Variants in FBXO15 observed in about 807,000 individuals in gnomAD.
FBXO15 encodes the protein F-box only protein 15.
FBXO15 carries 30 observed loss-of-function variants against 49.5 expected under a neutral mutation model. That is an observed-to-expected ratio of 0.61 (90% CI 0.45 to 0.82). The LOEUF is 0.82. Ranked by LOEUF, FBXO15 falls within the 40% of genes least tolerant of loss-of-function variation. The pLI, the probability that FBXO15 is intolerant of heterozygous loss-of-function variation, is 0.00. For missense variants in FBXO15, 591 were observed against 631.5 expected, an observed-to-expected ratio of 0.94 and a Z score of 0.69; for synonymous variants, 250 against 232.7, an observed-to-expected ratio of 1.07 and a Z score of -0.68.
At chr18:74,137,062 T>A (rs1194099179) in intron 2 of FBXO15, among the ~76,000 whole-genome samples, 3 of 152,212 alleles carry the variant, frequency 2.0e-5, no homozygotes, top group Non-Finnish European at 4.4e-5. Flanking sequence ...AAAAAGACAG[T>A]TAACGTTATG....
At chr18:74,098,066 AAC>A (rs111620900) in intron 8 of FBXO15, 3,231 of 152,422 alleles carry the variant, frequency 0.021, 123 homozygotes, top group African/African-American at 0.071. Context: ...TCCCTAGGAA[AAC>A]ACAGAGAGTA....
chr18:74,083,941 TGG>T (rs1292234080), intron 8 of FBXO15, among the ~76,000 whole-genome samples: 4 of 152,194 alleles, frequency 2.6e-5, no homozygotes, highest in Non-Finnish European at 4.4e-5. Flanking sequence ...TAATATTAAC[TGG>T]GTAATATAAT....
intron 2 of FBXO15, among the ~76,000 whole-genome samples, chr18:74,136,486 C>T (rs1049564061): frequency 6.6e-6 from 1 of 152,076 alleles, no homozygotes; most frequent in Non-Finnish European, 1.5e-5. Context: ...AATCTCTTTC[C>T]CCAAAAAAGT....
intron 5 of FBXO15, among the ~76,000 whole-genome samples, 199 bp from the exon 6 acceptor site, chr18:74,126,300 G>A (rs938279002): frequency 6.6e-6 from 1 of 152,198 alleles, no homozygotes; most frequent in African/African-American, 2.4e-5. Context: ...AGCCAACTAG[G>A]TATTTCTTCC....
chr18:74,111,741 A>C (rs866817716), intron 8 of FBXO15, among the ~76,000 whole-genome samples: 1 of 152,174 alleles, frequency 6.6e-6, no homozygotes, highest in Non-Finnish European at 1.5e-5. Context: ...AAAATCCATG[A>C]AACCAAAAGC....
intron 8 of FBXO15, among the ~76,000 whole-genome samples, chr18:74,096,517 A>G (rs951710555): frequency 2.0e-5 from 3 of 151,916 alleles, no homozygotes; most frequent in African/African-American, 7.3e-5. Context: ...AAGCAAATAC[A>G]TCCCATAAAA....
At chr18:74,145,676 C>T (rs565802345) in intron 1 of FBXO15, among the ~76,000 whole-genome samples, 141 of 146,132 alleles carry the variant, frequency 9.6e-4, no homozygotes, top group African/African-American at 2.8e-3. Flanking sequence ...CGGCTCACTG[C>T]AAGCTCCGCC....
intron 8 of FBXO15, among the ~76,000 whole-genome samples, chr18:74,095,477 C>T (rs566499027): frequency 1.3e-5 from 2 of 152,206 alleles, no homozygotes; most frequent in South Asian, 4.1e-4. Context: ...ATAGAAAGGC[C>T]TGAGGGGAGG....
intron 8 of FBXO15, among the ~76,000 whole-genome samples, chr18:74,110,715 A>C (rs2145164954): frequency 6.6e-6 from 1 of 152,260 alleles, no homozygotes; most frequent in Non-Finnish European, 1.5e-5. Context: ...GTGGAAGGAA[A>C]AAAAATATAC....
intron 8 of FBXO15, among the ~76,000 whole-genome samples, chr18:74,110,198 T>TATATATATATACATATGTGTGC (rs1568168416): frequency 3.2e-5 from 4 of 123,642 alleles, no homozygotes; most frequent in Non-Finnish European, 5.5e-5. Context: ...TGTGTGCATA[T>TATATATATATACATATGTGTGC]ATATATATAT....
chr18:74,116,833 C>T (rs184048431), intron 8 of FBXO15, among the ~76,000 whole-genome samples: 2 of 152,158 alleles, frequency 1.3e-5, no homozygotes, highest in East Asian at 3.9e-4. Flanking sequence ...ATAGATGAAC[C>T]CCAGAAGACC....
chr18:74,141,296 C>A (rs1200606864), intron 1 of FBXO15, among the ~76,000 whole-genome samples: 5 of 152,184 alleles, frequency 3.3e-5, no homozygotes, highest in African/African-American at 1.2e-4. Context: ...CAGCAGCACA[C>A]CCGGAGAGCC....
At chr18:74,144,537 G>C (rs1443697757) in intron 1 of FBXO15, among the ~76,000 whole-genome samples, 1 of 152,080 alleles carries the variant, frequency 6.6e-6, no homozygotes, top group Non-Finnish European at 1.5e-5. Context: ...CTCTTGCAAA[G>C]AAACTGAAAC....
intron 2 of FBXO15, among the ~76,000 whole-genome samples, 177 bp from the exon 3 acceptor site, chr18:74,136,043 G>A (rs760319947): frequency 6.6e-6 from 1 of 152,166 alleles, no homozygotes; most frequent in East Asian, 1.9e-4. Context: ...GAAACGTTCT[G>A]GTTATTCTAA....
At chr18:74,126,586 G>A (rs1221785196) in intron 5 of FBXO15, among the ~76,000 whole-genome samples, 1 of 152,200 alleles carries the variant, frequency 6.6e-6, no homozygotes, top group African/African-American at 2.4e-5. Flanking sequence ...GGATAACTCA[G>A]AGATAGTGAA....
At chr18:74,147,375 AG>A (rs1242766147) in intron 1 of FBXO15, among the ~76,000 whole-genome samples, 1 of 152,124 alleles carries the variant, frequency 6.6e-6, no homozygotes, top group Admixed American at 6.5e-5. Context: ...CGCATCCCGG[AG>A]AAACGACCTC....
Position 74,075,001 on chromosome 18 carries a change from C to T in FBXO15, c.1264-1271G>A, listed in dbSNP as rs182472417. Among the ~76,000 whole-genome samples, 8 of 152,290 alleles carry T rather than the reference C, an allele frequency of 5.3e-5. No individual in the cohort carries two copies. Among genetic ancestry groups the T allele is most frequent in the African/African-American group, 1.9e-4 (8 of 41,560 alleles). On this transcript the variant is annotated intron_variant, in intron 9 of 9. Coordinates refer to ENST00000419743, the MANE Select transcript of FBXO15 (RefSeq NM_001142958.2). The surrounding 1 kb of genome is among the most constrained non-coding windows in gnomAD (Gnocchi z 4.1). The stretch of plus-strand genomic sequence containing the variant: ...CTTAGGGCCAGGTCCAGCAAAACCC[C>T]AGCCCCAGAGGAGCGCAGTTATTTT...
chr18:74,145,594 C>CTTTTT (rs760823560), intron 1 of FBXO15, among the ~76,000 whole-genome samples: 22 of 96,354 alleles, frequency 2.3e-4, no homozygotes, highest in African/African-American at 4.4e-4. Flanking sequence ...ACCAACTGCA[C>CTTTTT]TTTTTTTTTT....
chr18:74,084,610 T>C (rs1346825271), intron 8 of FBXO15, among the ~76,000 whole-genome samples: 1 of 152,212 alleles, frequency 6.6e-6, no homozygotes, highest in Non-Finnish European at 1.5e-5. Context: ...CCTTAAGTCA[T>C]TCAGAATAAA....
Sources: gnomAD v4.1 joint callset for allele counts (sites outside exome capture counted in the v4.1 genomes callset) on GRCh38, gnomAD v4.1.1 for gene constraint, Gnocchi (gnomAD v3.1) non-coding constraint, MANE v1.5 for transcripts, NCBI Gene and HGNC (gene_info 2026-07-23, HGNC 2026-07-21) for gene names.